Variants in ABCA8 observed in about 807,000 individuals in gnomAD.
ABCA8 encodes ABC-type organic anion transporter ABCA8.
ABCA8 carries 177 observed loss-of-function variants against 192.3 expected under a neutral mutation model. The ratio of observed to expected loss-of-function variants is 0.92; its 90% CI spans 0.81 to 1.04. ABCA8 has a LOEUF of 1.04. ABCA8 is among the 50% of genes least tolerant of loss of function. The pLI, the probability that ABCA8 is intolerant of heterozygous loss-of-function variation, is 0.00. For missense variants in ABCA8, 1,915 were observed against 1,904.8 expected, an observed-to-expected ratio of 1.01 and a Z score of -0.10; for synonymous variants, 642 against 690.2, an observed-to-expected ratio of 0.93 and a Z score of 1.09.
At chr17:68,952,593 T>C (rs2068599216) in intron 1 of ABCA8, among the ~76,000 whole-genome samples, 1 of 152,182 alleles carries the variant, frequency 6.6e-6, no homozygotes, top group Non-Finnish European at 1.5e-5. Flanking sequence ...TTTGATATAC[T>C]TGGGCTTGTG....
chr17:68,955,306 G>C lies in ABCA8; in HGVS notation c.-254C>G, dbSNP rs892323075. 1 of 152,116 alleles carries C rather than the reference G, an allele frequency of 6.6e-6. No individual in the cohort carries two copies. Among genetic ancestry groups the C allele is most frequent in the Non-Finnish European group, 1.5e-5 (1 of 68,022 alleles). 9.4% of individuals were successfully genotyped at this position (152,116 alleles called of 1,614,324 possible). A position where few individuals can be genotyped will look rare whatever the true frequency, so the allele number is the denominator to read the frequency against. On this transcript the variant is annotated 5_prime_UTR_variant, in exon 1 of 40. Transcript: ENST00000586539. ...AAGAAAGTTATTCATATTTTCTCCTGGTCTCTACCATGTATCTAGAATTTG... is the reference window on the plus strand; with the variant it reads ...AAGAAAGTTATTCATATTTTCTCCTCGTCTCTACCATGTATCTAGAATTTG...
rs775269388 is a variant in ABCA8, at chr17:68,936,977, G to A, written c.440C>T (p.Ala147Val). ...TGTATGGTCCTTGTGCTCCTTCTTT[G>A]CTGGCATTCCATGTCCTAGCAAGAA... The part of the protein sequence containing the change: ...LKFLLGHGMP[A>V]KKEHKDHTAH... The change falls in exon 5 of 40, where the codon GCA (alanine) becomes GTA (valine). Residue 147 changes from alanine (A) to valine (V), a missense_variant. By Grantham distance (64) the Ala-to-Val change is moderately conservative. Coordinates refer to ENST00000586539, the MANE Select transcript of ABCA8 (RefSeq NM_001288985.2). 19 of 1,601,470 alleles carry A rather than the reference G, an allele frequency of 1.2e-5. No individual in the cohort carries two copies. The East Asian group carries it at 3.4e-4, about 29-fold the overall frequency.
chr17:68,933,468 G>A (rs534905067), intron 5 of ABCA8, among the ~76,000 whole-genome samples, 197 bp from the exon 6 acceptor site: 3 of 152,104 alleles, frequency 2.0e-5, no homozygotes, highest in Admixed American at 6.5e-5. Context: ...TCATGAGGTG[G>A]AGCACTCTTA....
In ABCA8 at chr17:68,929,566, A is replaced by G; in HGVS notation, c.934T>C (p.Ser312Pro). The G allele has an allele frequency of 6.2e-7, 1 of 1,611,608 alleles. No individual in the cohort carries two copies. The highest frequency in any genetic ancestry group is 8.5e-7 in the Non-Finnish European group (1 of 1,179,306). The change falls in exon 8 of 40, where the codon TCT becomes CCT. Residue 312 changes from serine (S) to proline (P), a missense_variant. Transcript: ENST00000586539. ...VFSLFLLYGL[S>P]LVALAFLMSI... ...TATTTAATTCACTAACTCACCAAAGATAATCCATACAGGAGAAAGAGGCTG... is the reference window on the plus strand; with the variant it reads ...TATTTAATTCACTAACTCACCAAAGGTAATCCATACAGGAGAAAGAGGCTG...
In ABCA8 at chr17:68,894,066, T is replaced by C. The variant is rs1341514069; in HGVS notation, c.3036+107A>G. The C allele has an allele frequency of 6.7e-6, 8 of 1,189,742 alleles. No homozygotes were observed. The East Asian group carries it at 1.5e-4, about 22-fold the overall frequency. The allele number at this position is 1,189,742 out of a possible 1,614,324, so 73.7% of individuals were successfully genotyped here. On this transcript the variant is annotated intron_variant, in intron 23 of 39. Coordinates refer to ENST00000586539, the MANE Select transcript of ABCA8 (RefSeq NM_001288985.2). Reference sequence around the variant, plus strand: ...TAGAATGAGTCCAAATGTTAATTTATTATGCAGTGGTTTACTCAATAAAAA... The same window carrying C: ...TAGAATGAGTCCAAATGTTAATTTACTATGCAGTGGTTTACTCAATAAAAA...
chr17:68,869,278 G>A (rs947968579), intron 38 of ABCA8, among the ~76,000 whole-genome samples: 1 of 152,150 alleles, frequency 6.6e-6, no homozygotes, highest in Non-Finnish European at 1.5e-5. Flanking sequence ...ACAGATGCGA[G>A]GAGATTGTTT....
chr17:68,947,358 A>C (rs1388147901), intron 2 of ABCA8, among the ~76,000 whole-genome samples: 1 of 152,232 alleles, frequency 6.6e-6, no homozygotes, highest in Non-Finnish European at 1.5e-5. Flanking sequence ...TGAATTTGCC[A>C]ATATTTTACT....
In ABCA8 at chr17:68,922,299, T is replaced by G. The variant is rs1465544665; in HGVS notation, c.1444A>C (p.Ile482Leu). The G allele has an allele frequency of 7.9e-7, 1 of 1,271,960 alleles. No homozygotes were observed. The highest frequency in any genetic ancestry group is 1.0e-6 in the Non-Finnish European group (1 of 957,936). The allele number at this position is 1,271,960 out of a possible 1,614,324, so 78.8% of individuals were successfully genotyped here. A position where few individuals can be genotyped will look rare whatever the true frequency, so the allele number is the denominator to read the frequency against. The stretch of plus-strand genomic sequence containing the variant: ...TTATATTCTTTTGTAACATTTCTGA[T>G]TCTGAAAAAAAGAAAAGATACTTCA... ...PEFQGKEAIR[I>L]RNVTKEYKGK... The change falls in exon 12 of 40, where the codon ATC becomes CTC. Residue 482 changes from isoleucine to leucine, a missense_variant and splice_region_variant. By Grantham distance (5) the Ile-to-Leu change is conservative. Coordinates refer to ENST00000586539, the MANE Select transcript of ABCA8 (RefSeq NM_001288985.2).
At chr17:68,936,567 T>G (rs960151094) in intron 5 of ABCA8, among the ~76,000 whole-genome samples, 11 of 152,272 alleles carry the variant, frequency 7.2e-5, no homozygotes, top group African/African-American at 2.6e-4. Context: ...CATGCTGTTT[T>G]AGTTACTATA....
rs572436359 is a variant in ABCA8 at position 68,917,380 on chromosome 17, C to T, written c.2119G>A (p.Gly707Arg). The T allele has an allele frequency of 6.2e-7, 1 of 1,611,038 alleles. No homozygotes were observed. The highest frequency in any genetic ancestry group is 1.3e-5 in the African/African-American group (1 of 74,856). Residue 707 changes from glycine (G) to arginine (R), a missense_variant, in exon 17 of 40, where the codon GGG (glycine) becomes AGG (arginine). Coordinates refer to ENST00000586539, the MANE Select transcript of ABCA8 (RefSeq NM_001288985.2). Reference sequence around the variant, plus strand: ...CCTTACCTTAAGTGATATCCAATCCCCCATTTCTTCTTTAGAAACAAAGAA... The same window carrying T: ...CCTTACCTTAAGTGATATCCAATCCTCCATTTCTTCTTTAGAAACAAAGAA... ...GSSLFLKKKW[G>R]IGYHLSLQLN...
chr17:68,881,831 T>A (rs2066342952), intron 31 of ABCA8, 32 bp downstream of exon 31: 1 of 1,547,706 alleles, frequency 6.5e-7, no homozygotes, highest in East Asian at 2.2e-5. Context: ...AGGAGGGCTC[T>A]GAGCCAGAAG....
chr17:68,893,719 C>CTATTT (rs1359579755), intron 23 of ABCA8, among the ~76,000 whole-genome samples: 1 of 65,576 alleles, frequency 1.5e-5, no homozygotes, highest in Non-Finnish European at 2.9e-5. Context: ...GCTTCATATT[C>CTATTT]TCTTTTTTTT....
intron 7 of ABCA8, among the ~76,000 whole-genome samples, chr17:68,931,370 G>C (rs1001249779): frequency 1.1e-4 from 16 of 152,166 alleles, no homozygotes; most frequent in African/African-American, 3.4e-4. Context: ...TGTTACTAAA[G>C]AATGTTTAAA....
intron 28 of ABCA8, 111 bp downstream of exon 28, chr17:68,884,220 A>C (rs1213118020): frequency 2.0e-6 from 2 of 1,021,970 alleles, no homozygotes; most frequent in Admixed American, 3.6e-5. Flanking sequence ...TCCTTGGGCT[A>C]TAGATACCTG....
intron 22 of ABCA8, 52 bp from the exon 23 acceptor site, chr17:68,894,362 C>A: frequency 6.7e-7 from 1 of 1,483,700 alleles, no homozygotes; most frequent in Non-Finnish European, 9.0e-7. Context: ...ATTTTGTTCT[C>A]TAAAAAAGTC....
chr17:68,929,953 C>T (rs1309405656), intron 7 of ABCA8, among the ~76,000 whole-genome samples: 1 of 138,852 alleles, frequency 7.2e-6, no homozygotes, highest in East Asian at 2.1e-4. Flanking sequence ...TACATTCACA[C>T]ACACATGCAC....
At chr17:68,943,996 C>T (rs1260069417) in intron 2 of ABCA8, among the ~76,000 whole-genome samples, 2 of 151,910 alleles carry the variant, frequency 1.3e-5, no homozygotes, top group Admixed American at 6.6e-5. Context: ...GAGATCGTGT[C>T]CTTTGCAGGG....
At position 68,875,299 on chromosome 17, in the gene ABCA8, T is replaced by A; in HGVS notation, c.4592A>T (p.Glu1531Val). ...NLAQVEPLHA[E>V]ILRLFPQAAR... ...AGCCTGGGGGAAAAGCCTCAGGATC[T>A]CTGCATGGAGGGGCTCCACTTGTGC... Residue 1531 changes from glutamate (E) to valine (V), a missense_variant, in exon 37 of 40, where the codon GAG becomes GTG. Coordinates refer to ENST00000586539, the MANE Select transcript of ABCA8 (RefSeq NM_001288985.2). 2 of 1,614,112 alleles carry A rather than the reference T, an allele frequency of 1.2e-6. No homozygotes were observed. Among genetic ancestry groups the A allele is most frequent in the Non-Finnish European group, 1.7e-6 (2 of 1,180,020 alleles).
At chr17:68,917,229 G>T in intron 17 of ABCA8, 132 bp downstream of exon 17, 1 of 553,306 alleles carries the variant, frequency 1.8e-6, no homozygotes, top group Non-Finnish European at 3.1e-6. Context: ...CGAGATGATC[G>T]ATACTCCGTC....
Sources: allele counts gnomAD v4.1 joint callset (sites outside exome capture counted in the v4.1 genomes callset), GRCh38; gene constraint gnomAD v4.1.1; transcripts MANE v1.5; gene names NCBI Gene and HGNC (gene_info 2026-07-23, HGNC 2026-07-21).